CUL3: variants seen among roughly 807,000 people sequenced by gnomAD.
CUL3 encodes cullin-3.
In CUL3, 19 loss-of-function variants were observed where a neutral mutation model predicts 89.1. The observed-to-expected ratio is 0.21, with a 90% confidence interval of 0.15 to 0.31. The LOEUF (loss-of-function observed/expected upper bound fraction) is 0.31, where lower values mean the gene tolerates loss of function less well. Among genes scored for constraint, CUL3 ranks in the 10% least tolerant of loss-of-function variants. CUL3 has a pLI of 1.00. For missense variants in CUL3, 469 were observed against 942.3 expected (o/e 0.50, Z 6.58); for synonymous variants, 351 against 308.4 (o/e 1.14, Z -1.45).
intron 1 of CUL3, among the ~76,000 whole-genome samples, chr2:224,584,167 G>A (rs1695510341): frequency 6.6e-6 from 1 of 152,122 alleles, no homozygotes; most frequent in African/African-American, 2.4e-5. Flanking sequence ...GAACACGTTT[G>A]CTGTCACTGA....
At chr2:224,495,134 A>G (rs1053577320) in intron 13 of CUL3, 14 of 151,996 alleles carry the variant, frequency 9.2e-5, no homozygotes, top group African/African-American at 2.9e-4. Context: ...TCATCAAAAA[A>G]AAAAAAGAAA....
chr2:224,525,648 C>A (rs1693447308), intron 3 of CUL3, among the ~76,000 whole-genome samples: 1 of 152,038 alleles, frequency 6.6e-6, no homozygotes, highest in South Asian at 2.1e-4. Context: ...AATAAACATA[C>A]ATAAAGTGCT....
At chr2:224,559,325 A>T (rs1192498368) in intron 1 of CUL3, among the ~76,000 whole-genome samples, 1 of 151,332 alleles carries the variant, frequency 6.6e-6, no homozygotes, top group Non-Finnish European at 1.5e-5. Flanking sequence ...GTGGTGGCGC[A>T]TGCCTATAGT....
At chr2:224,542,495 T>TG (rs1694146744) in intron 2 of CUL3, among the ~76,000 whole-genome samples, 2 of 150,326 alleles carry the variant, frequency 1.3e-5, no homozygotes, top group East Asian at 2.0e-4. Context: ...TTCTGGCTTT[T>TG]TGTGTGTGTG....
At chr2:224,553,120 C>T (rs968869429) in intron 2 of CUL3, among the ~76,000 whole-genome samples, 1 of 152,170 alleles carries the variant, frequency 6.6e-6, no homozygotes, top group Admixed American at 6.5e-5. Flanking sequence ...ACAAACATGT[C>T]AGATGGTCCT....
chr2:224,585,054 G>A lies in CUL3; in HGVS notation c.-45C>T, dbSNP rs1247163555. The A allele has an allele frequency of 4.5e-5, 64 of 1,437,462 alleles. No individual in the cohort carries two copies. Among genetic ancestry groups the A allele is most frequent in the Non-Finnish European group, 5.8e-5 (62 of 1,072,240 alleles). 89.0% of individuals were successfully genotyped at this position (1,437,462 alleles called of 1,614,324 possible). A position where few individuals can be genotyped will look rare whatever the true frequency, so the allele number is the denominator to read the frequency against. On this transcript the variant is annotated 5_prime_UTR_variant, in exon 1 of 16. Transcript: ENST00000264414. ...GCGGCGGCTTCAGGTCGCGCTCCGC[G>A]ACGCCGGTGTCACATTTAAGGCGGG...
chr2:224,500,228 G>C, intron 11 of CUL3, 135 bp downstream of exon 11: 1 of 1,042,970 alleles, frequency 9.6e-7, no homozygotes, highest in Non-Finnish European at 1.4e-6. Flanking sequence ...TGTATGCCAG[G>C]ATAAATGCTC....
chr2:224,582,269 AT>A (rs1201388213), intron 1 of CUL3, among the ~76,000 whole-genome samples: 1 of 151,960 alleles, frequency 6.6e-6, no homozygotes, highest in Non-Finnish European at 1.5e-5. Context: ...GCCCGGCCAT[AT>A]TTTTTCTTTA....
chr2:224,512,434 C>T (rs1053242174), intron 5 of CUL3, among the ~76,000 whole-genome samples: 1 of 152,148 alleles, frequency 6.6e-6, no homozygotes, highest in Non-Finnish European at 1.5e-5. Flanking sequence ...GTTTTGGCAA[C>T]ACTACAAAAT....
chr2:224,557,249 T>G (rs1694741583), intron 2 of CUL3, among the ~76,000 whole-genome samples: 1 of 152,100 alleles, frequency 6.6e-6, no homozygotes, highest in African/African-American at 2.4e-5. Context: ...TAAAATAAAG[T>G]CAATTTTAGT....
At chr2:224,579,884 G>A (rs144555839) in intron 1 of CUL3, among the ~76,000 whole-genome samples, 42 of 152,286 alleles carry the variant, frequency 2.8e-4, no homozygotes, top group African/African-American at 8.9e-4. Flanking sequence ...TCATTCAAAC[G>A]TATCCTCTCC....
At chr2:224,519,172 A>G (rs1693173102) in intron 3 of CUL3, among the ~76,000 whole-genome samples, 1 of 152,262 alleles carries the variant, frequency 6.6e-6, no homozygotes, top group African/African-American at 2.4e-5. Context: ...GGTTGCAGCC[A>G]AAACTTTATT....
At chr2:224,565,443 T>C (rs779477519) in intron 1 of CUL3, among the ~76,000 whole-genome samples, 7 of 152,144 alleles carry the variant, frequency 4.6e-5, no homozygotes, top group South Asian at 2.1e-4. Flanking sequence ...GAGGGAGCCA[T>C]ACTCTGTAAC....
chr2:224,522,623 C>T (rs772151037), intron 3 of CUL3, among the ~76,000 whole-genome samples: 7 of 151,958 alleles, frequency 4.6e-5, no homozygotes, highest in African/African-American at 1.2e-4. Flanking sequence ...GTCAGGAGAT[C>T]GAGACCATCC....
At chr2:224,583,478 AC>A (rs1270144981) in intron 1 of CUL3, among the ~76,000 whole-genome samples, 9 of 152,176 alleles carry the variant, frequency 5.9e-5, no homozygotes, top group Non-Finnish European at 1.2e-4. Context: ...CAAATGCATA[AC>A]CCAGCTCTGC....
intron 10 of CUL3, among the ~76,000 whole-genome samples, chr2:224,501,947 A>T (rs17408174): frequency 0.2 from 30,833 of 152,152 alleles, 3,409 homozygotes; most frequent in African/African-American, 0.24. Context: ...ATAAATTCCT[A>T]AACAATCTAA....
intron 1 of CUL3, among the ~76,000 whole-genome samples, chr2:224,576,491 A>G (rs1050351590): frequency 6.6e-6 from 1 of 152,224 alleles, no homozygotes; most frequent in Admixed American, 6.5e-5. Flanking sequence ...AAAAACTTCA[A>G]ACATTTCAGA....
At chr2:224,564,707 C>T (rs1371977392) in intron 1 of CUL3, among the ~76,000 whole-genome samples, 1 of 152,046 alleles carries the variant, frequency 6.6e-6, no homozygotes, top group Non-Finnish European at 1.5e-5. Context: ...TTAGTGGCTC[C>T]CAAATCTATA....
chr2:224,500,332 C>A, intron 11 of CUL3, 31 bp downstream of exon 11: 4 of 1,610,958 alleles, frequency 2.5e-6, no homozygotes, highest in Non-Finnish European at 3.4e-6. Flanking sequence ...CTTACTTGTA[C>A]ACAGTGATAC....
Sources: allele counts gnomAD v4.1 joint callset (sites outside exome capture counted in the v4.1 genomes callset), GRCh38; gene constraint gnomAD v4.1.1; transcripts MANE v1.5; gene names NCBI Gene and HGNC (gene_info 2026-07-23, HGNC 2026-07-21).